MMP16: variants seen among roughly 807,000 people sequenced by gnomAD.
MMP16 encodes matrix metalloproteinase-16.
MMP16 carries 12 observed loss-of-function variants against 67.8 expected under a neutral mutation model. The observed-to-expected ratio is 0.18, with a 90% confidence interval of 0.11 to 0.29. MMP16 has a LOEUF of 0.29. Ranked by LOEUF, MMP16 falls within the 10% of genes least tolerant of loss-of-function variation. MMP16 has a pLI of 1.00. For synonymous variants in MMP16, 249 were observed against 255.9 expected (o/e 0.97, Z 0.26); for missense variants, 475 against 765.7 (o/e 0.62, Z 4.48).
chr8:88,233,418 A>G (rs534585043), intron 1 of MMP16, among the ~76,000 whole-genome samples: 1 of 152,126 alleles, frequency 6.6e-6, no homozygotes, highest in East Asian at 1.9e-4. Context: ...ATAATGTCCT[A>G]TCCTTCCCAC....
chr8:88,104,644 T>C (rs1370342278), intron 6 of MMP16, among the ~76,000 whole-genome samples: 2 of 151,678 alleles, frequency 1.3e-5, no homozygotes, highest in African/African-American at 4.8e-5. Flanking sequence ...ATAATTTTTA[T>C]ATACCTACCA....
intron 1 of MMP16, among the ~76,000 whole-genome samples, chr8:88,207,631 T>C (rs764680459): frequency 1.6e-4 from 24 of 151,802 alleles, no homozygotes; most frequent in Non-Finnish European, 3.1e-4. Context: ...TAGCACAGAT[T>C]GATGTCTGCA....
chr8:88,112,323 C>G (rs796603207), intron 6 of MMP16, among the ~76,000 whole-genome samples: 5 of 151,492 alleles, frequency 3.3e-5, no homozygotes, highest in African/African-American at 1.2e-4. Flanking sequence ...GAAATATGTT[C>G]TGTACAACTT....
At chr8:88,234,574 G>A (rs550608274) in intron 1 of MMP16, among the ~76,000 whole-genome samples, 1 of 152,198 alleles carries the variant, frequency 6.6e-6, no homozygotes, top group East Asian at 1.9e-4. Context: ...TTTCTGCCTT[G>A]ACCCTTCTTT....
chr8:88,206,656 T>C (rs1474558580), intron 1 of MMP16, among the ~76,000 whole-genome samples: 1 of 152,242 alleles, frequency 6.6e-6, no homozygotes, highest in Non-Finnish European at 1.5e-5. Flanking sequence ...TTAAATGTTA[T>C]GTATAGCTTA....
At chr8:88,077,680 GA>G (rs1468134375) in intron 6 of MMP16, among the ~76,000 whole-genome samples, 1 of 152,144 alleles carries the variant, frequency 6.6e-6, no homozygotes, top group Non-Finnish European at 1.5e-5. Flanking sequence ...AAAATGTGAA[GA>G]GAAAAGAGCA....
intron 4 of MMP16, among the ~76,000 whole-genome samples, chr8:88,123,472 T>C (rs868780378): frequency 1.1e-4 from 16 of 151,708 alleles, no homozygotes; most frequent in Non-Finnish European, 5.9e-5. Context: ...CTCTTTGCAC[T>C]TCGCTGAAAA....
chr8:88,273,850 A>G (rs1417435835), intron 1 of MMP16, among the ~76,000 whole-genome samples: 1 of 152,152 alleles, frequency 6.6e-6, no homozygotes, highest in African/African-American at 2.4e-5. Flanking sequence ...CTGATGTTAC[A>G]AGAATAGAAA....
chr8:88,148,453 G>A (rs1347652585), intron 4 of MMP16, among the ~76,000 whole-genome samples: 1 of 152,162 alleles, frequency 6.6e-6, no homozygotes, highest in East Asian at 1.9e-4. Flanking sequence ...AATGCAGTAT[G>A]TTTCCTCTAG....
intron 8 of MMP16, among the ~76,000 whole-genome samples, chr8:88,047,092 G>A (rs949113482): frequency 7.4e-6 from 1 of 134,610 alleles, no homozygotes; most frequent in Non-Finnish European, 1.6e-5. Flanking sequence ...TGAATAAAAA[G>A]TGCTAGCTAA....
Position 88,197,252 on chromosome 8 carries a change from G to A in MMP16, c.187C>T (p.Leu63=). Residue 63 remains leucine (L), a synonymous_variant, in exon 2 of 10, where the codon CTG becomes TTG. Transcript: ENST00000286614. ...GACTGCATGGTCTCTGCAGAGCGCA[G>A]CACTGACATTCTGGGGTCAGTCGGT... is the stretch of plus-strand genomic sequence containing the variant. ...LPPTDPRMSV[L]RSAETMQSAL... The A allele has an allele frequency of 6.2e-7, 1 of 1,602,606 alleles. No homozygotes were observed. The highest frequency in any genetic ancestry group is 1.1e-5 in the South Asian group (1 of 89,208).
chr8:88,106,702 C>T (rs1330144163), intron 6 of MMP16, among the ~76,000 whole-genome samples: 2 of 151,202 alleles, frequency 1.3e-5, no homozygotes, highest in Non-Finnish European at 3.0e-5. Flanking sequence ...TTTGCATATA[C>T]TTCTATAAGT....
intron 4 of MMP16, among the ~76,000 whole-genome samples, chr8:88,130,079 G>A (rs1423145681): frequency 6.6e-6 from 1 of 151,696 alleles, no homozygotes; most frequent in East Asian, 1.9e-4. Flanking sequence ...GCAGTAACTT[G>A]AGCTCATATT....
chr8:88,187,859 A>G (rs1809099103), intron 2 of MMP16, among the ~76,000 whole-genome samples: 1 of 152,208 alleles, frequency 6.6e-6, no homozygotes, highest in Non-Finnish European at 1.5e-5. Context: ...ATCCTAGTTT[A>G]AATGCATTGT....
intron 9 of MMP16, among the ~76,000 whole-genome samples, chr8:88,043,565 G>A (rs968060766): frequency 6.6e-6 from 1 of 152,160 alleles, no homozygotes; most frequent in Non-Finnish European, 1.5e-5. Context: ...ACATCCAAGG[G>A]TGTGATAGAT....
intron 1 of MMP16, among the ~76,000 whole-genome samples, chr8:88,294,855 G>T (rs1435467556): frequency 6.6e-6 from 1 of 152,174 alleles, no homozygotes; most frequent in Non-Finnish European, 1.5e-5. Context: ...TGGGATTACA[G>T]GTGCCTGCCA....
At chr8:88,289,597 TAC>T (rs1359898776) in intron 1 of MMP16, among the ~76,000 whole-genome samples, 1 of 151,914 alleles carries the variant, frequency 6.6e-6, no homozygotes, top group Non-Finnish European at 1.5e-5. Context: ...TACTTAAAAA[TAC>T]AGTCATTTCT....
intron 1 of MMP16, among the ~76,000 whole-genome samples, chr8:88,298,361 T>C (rs1811043922): frequency 6.6e-6 from 1 of 152,196 alleles, no homozygotes; most frequent in Non-Finnish European, 1.5e-5. Flanking sequence ...CAAATTTACG[T>C]GTGGAACAAG....
chr8:88,083,317 T>C (rs972596370), intron 6 of MMP16, among the ~76,000 whole-genome samples: 1 of 152,084 alleles, frequency 6.6e-6, no homozygotes. Context: ...GGGTATTACA[T>C]AGAGCACCTA....
Sources: gnomAD v4.1 joint callset for allele counts (sites outside exome capture counted in the v4.1 genomes callset) on GRCh38, gnomAD v4.1.1 for gene constraint, MANE v1.5 for transcripts, NCBI Gene and HGNC (gene_info 2026-07-23, HGNC 2026-07-21) for gene names.